Variants in MRFAP1 observed in about 807,000 individuals in gnomAD.
The protein encoded by MRFAP1 is MORF4 family-associated protein 1.
Under a neutral mutation model 9.3 loss-of-function variants are expected in MRFAP1, and 1 was observed. The observed-to-expected ratio is 0.11, with a 90% CI of 0.04 to 0.51. The LOEUF is 0.51. Among genes scored for constraint, MRFAP1 ranks in the 20% least tolerant of loss-of-function variants. The pLI, the probability that MRFAP1 is intolerant of heterozygous loss-of-function variation, is 0.94. For synonymous variants in MRFAP1, 101 were observed against 80.3 expected (o/e 1.26, Z -1.38); for missense variants, 180 against 178.6 (o/e 1.01, Z -0.04).
At chr4:6,641,339 C>T in intron 1 of MRFAP1, 81 bp downstream of exon 1, 2 of 1,488,932 alleles carry the variant, frequency 1.3e-6, no homozygotes, top group Non-Finnish European at 1.8e-6. Flanking sequence ...TCGAGATGCA[C>T]CGGAATCGGG....
intron 1 of MRFAP1, 46 bp downstream of exon 1, chr4:6,641,304 C>T (rs538263672): frequency 1.3e-6 from 2 of 1,521,266 alleles, no homozygotes; most frequent in East Asian, 2.3e-5. Context: ...CCCAGCTTGG[C>T]CGCTCTTCGA....
Position 6,640,919 on chromosome 4 carries a change from G to A in MRFAP1, c.57G>A (p.Glu19=), listed in dbSNP as rs1712791610. Residue 19 remains glutamate, a synonymous_variant, in exon 1 of 2, where the codon GAG becomes GAA. Coordinates refer to ENST00000382581, the MANE Select transcript of MRFAP1 (RefSeq NM_033296.3). Reference sequence around the variant, plus strand: ...AACCGGAGGAAGTGGAGGTGCTGGAGCCCGAGGAGGATTTCGAGCAGTTTC... The same window carrying A: ...AACCGGAGGAAGTGGAGGTGCTGGAACCCGAGGAGGATTTCGAGCAGTTTC... ...LAEPEEVEVL[E]PEEDFEQFLL... 2 of 1,613,736 alleles carry A rather than the reference G, an allele frequency of 1.2e-6. No individual in the cohort carries two copies. The highest frequency in any genetic ancestry group is 2.2e-5 in the East Asian group (1 of 44,868).
At chr4:6,641,484 G>A (rs990026945) in intron 1 of MRFAP1, 1 of 517,852 alleles carries the variant, frequency 1.9e-6, no homozygotes, top group African/African-American at 1.9e-5. Flanking sequence ...TCAGTGGAAG[G>A]GTCATAAATC....
In MRFAP1 at chr4:6,640,969, G is replaced by C; in HGVS notation, c.107G>C (p.Arg36Pro). Residue 36 changes from arginine (R) to proline (P), a missense_variant, in exon 1 of 2, where the codon CGC becomes CCC. Physicochemically the swap from Arg to Pro is moderately radical, Grantham distance 103. Transcript: ENST00000382581. ...CTGCTCCCGGTCATCAACGAGATGC[G>C]CGAGGACATCGCGTCGCTGACGCGC... ...QFLLPVINEM[R>P]EDIASLTREH... 1 of 1,614,210 alleles carries C rather than the reference G, an allele frequency of 6.2e-7. No homozygotes were observed. Among genetic ancestry groups the C allele is most frequent in the Non-Finnish European group, 8.5e-7 (1 of 1,180,028 alleles).
rs1712815722 is a variant in MRFAP1 at position 6,641,309 on chromosome 4, C to T, written c.*12+51C>T. The T allele has an allele frequency of 5.9e-6, 9 of 1,516,754 alleles. No individual in the cohort carries two copies. In the Admixed American group the frequency reaches 1.8e-4, roughly 30 times the overall value. 94.0% of individuals were successfully genotyped at this position (1,516,754 alleles called of 1,614,324 possible). A position where few individuals can be genotyped will look rare whatever the true frequency, so the allele number is the denominator to read the frequency against. ...GAGGAGCGGCCCCAGCTTGGCCGCT[C>T]TTCGAGAGCGATGATTTCATCGAGA... On this transcript the variant is annotated intron_variant, in intron 1 of 1. Coordinates refer to ENST00000382581, the MANE Select transcript of MRFAP1 (RefSeq NM_033296.3).
Position 6,642,697 on chromosome 4 carries a change from C to T in MRFAP1, c.*980C>T, listed in dbSNP as rs767240893. On this transcript the variant is annotated 3_prime_UTR_variant, in exon 2 of 2. Transcript: ENST00000382581. ...CCATGTTAAAACAAACAAAAACTTA[C>T]CATGTTAATAAAAGTATTCATTTGC... 1.3e-5 allele frequency: 2 copies of T among 152,246 alleles called. No individual in the cohort carries two copies. The highest frequency in any genetic ancestry group is 2.1e-4 in the South Asian group (1 of 4,834). The allele number at this position is 152,246 out of a possible 1,614,324, so 9.4% of individuals were successfully genotyped here.
Position 6,640,952 on chromosome 4 carries a change from G to T in MRFAP1, c.90G>T (p.Pro30=), listed in dbSNP as rs1324535024. ...PEEDFEQFLL[P]VINEMREDIA... is the part of the protein sequence containing the mutation. ...AGGATTTCGAGCAGTTTCTGCTCCCGGTCATCAACGAGATGCGCGAGGACA... is the reference window on the plus strand; with the variant it reads ...AGGATTTCGAGCAGTTTCTGCTCCCTGTCATCAACGAGATGCGCGAGGACA... The change falls in exon 1 of 2, where the codon CCG becomes CCT. Residue 30 remains proline, a synonymous_variant. Coordinates refer to ENST00000382581, the MANE Select transcript of MRFAP1 (RefSeq NM_033296.3). The T allele has an allele frequency of 6.2e-7, 1 of 1,614,130 alleles. No individual in the cohort carries two copies. The highest frequency in any genetic ancestry group is 8.5e-7 in the Non-Finnish European group (1 of 1,179,996).
At position 6,641,865 on chromosome 4, in the gene MRFAP1, G is replaced by A. The variant is rs1283140689; in HGVS notation, c.*148G>A. ...ACTTAACACTACGTTTTCTGCTATGGTCTGTGGTTGATGACCTCAATATGA... is the reference window on the plus strand; with the variant it reads ...ACTTAACACTACGTTTTCTGCTATGATCTGTGGTTGATGACCTCAATATGA... On this transcript the variant is annotated 3_prime_UTR_variant, in exon 2 of 2. Transcript: ENST00000382581. 2 of 152,638 alleles carry A rather than the reference G, an allele frequency of 1.3e-5. No homozygotes were observed. Among genetic ancestry groups the A allele is most frequent in the Admixed American group, 6.5e-5 (1 of 15,282 alleles). 9.5% of individuals were successfully genotyped at this position (152,638 alleles called of 1,614,324 possible). A position where few individuals can be genotyped will look rare whatever the true frequency, so the allele number is the denominator to read the frequency against.
rs917983218 is a variant in MRFAP1, at chr4:6,642,062, T to A, written c.*345T>A. ...CTTTGCTATTTCTTGTGTGACCTGA[T>A]AGCTCCCTGGAACTTTGGGTCTGTG... On this transcript the variant is annotated 3_prime_UTR_variant, in exon 2 of 2. Transcript: ENST00000382581. The A allele has an allele frequency of 6.5e-6, 1 of 152,684 alleles. No homozygotes were observed. The highest frequency in any genetic ancestry group is 2.4e-5 in the African/African-American group (1 of 41,464). 9.5% of individuals were successfully genotyped at this position (152,684 alleles called of 1,614,324 possible). A position where few individuals can be genotyped will look rare whatever the true frequency, so the allele number is the denominator to read the frequency against.
At chr4:6,641,438 A>G (rs1470286279) in intron 1 of MRFAP1, 180 bp downstream of exon 1, 9 of 750,862 alleles carry the variant, frequency 1.2e-5, no homozygotes, top group African/African-American at 1.8e-5. Flanking sequence ...GCGGCGTGGG[A>G]TAATCAGAGT....
rs180985591 is a variant in MRFAP1 at position 6,642,069 on chromosome 4, C to T, written c.*352C>T. ...ATTTCTTGTGTGACCTGATAGCTCCCTGGAACTTTGGGTCTGTGTGTGACA... is the reference window on the plus strand; with the variant it reads ...ATTTCTTGTGTGACCTGATAGCTCCTTGGAACTTTGGGTCTGTGTGTGACA... On this transcript the variant is annotated 3_prime_UTR_variant, in exon 2 of 2. Coordinates refer to ENST00000382581, the MANE Select transcript of MRFAP1 (RefSeq NM_033296.3). 6.5e-6 allele frequency: 1 copy of T among 152,748 alleles called. No homozygotes were observed. The highest frequency in any genetic ancestry group is 1.5e-5 in the Non-Finnish European group (1 of 68,046). The allele number at this position is 152,748 out of a possible 1,614,324, so 9.5% of individuals were successfully genotyped here. A position where few individuals can be genotyped will look rare whatever the true frequency, so the allele number is the denominator to read the frequency against.
rs998711680 is a variant in MRFAP1 at position 6,641,965 on chromosome 4, C to G, written c.*248C>G. Reference sequence around the variant, plus strand: ...TGCTCTCACATACAGGAATTAGGGCCTAGATTGTAAGCTCTTGCAGCAGTC... The same window carrying G: ...TGCTCTCACATACAGGAATTAGGGCGTAGATTGTAAGCTCTTGCAGCAGTC... On this transcript the variant is annotated 3_prime_UTR_variant, in exon 2 of 2. Transcript: ENST00000382581. 6.6e-6 allele frequency: 1 copy of G among 152,598 alleles called. No individual in the cohort carries two copies. The highest frequency in any genetic ancestry group is 2.1e-4 in the South Asian group (1 of 4,828). The allele number at this position is 152,598 out of a possible 1,614,324, so 9.5% of individuals were successfully genotyped here. A position where few individuals can be genotyped will look rare whatever the true frequency, so the allele number is the denominator to read the frequency against.
At position 6,641,214 on chromosome 4, in the gene MRFAP1, G is replaced by C; in HGVS notation, c.352G>C (p.Val118Leu). Reference protein sequence around the residue: ...AKMAEMLVELVRRIEKSESS With the variant: ...AKMAEMLVELLRRIEKSESS ...GATGGCAGAGATGCTGGTGGAGCTG[G>C]TCCGGCGGATAGAGAAGAGCGAGTC... Residue 118 changes from valine to leucine, a missense_variant, in exon 1 of 2, where the codon GTC becomes CTC. By Grantham distance (32) the Val-to-Leu change is conservative. Transcript: ENST00000382581. 1 of 1,602,710 alleles carries C rather than the reference G, an allele frequency of 6.2e-7. No individual in the cohort carries two copies. Among genetic ancestry groups the C allele is most frequent in the South Asian group, 1.1e-5 (1 of 90,422 alleles).
At chr4:6,641,552 G>T in intron 1 of MRFAP1, 178 bp from the exon 2 acceptor site, 2 of 343,070 alleles carry the variant, frequency 5.8e-6, no homozygotes, top group Non-Finnish European at 1.1e-5. Flanking sequence ...GCAAGCGGGG[G>T]TGGAAATAGA....
intron 1 of MRFAP1, 75 bp downstream of exon 1, chr4:6,641,333 G>C: frequency 6.7e-7 from 1 of 1,497,908 alleles, no homozygotes; most frequent in Non-Finnish European, 8.9e-7. Context: ...ATTTCATCGA[G>C]ATGCACCGGA....
rs560257481 is a variant in MRFAP1, at chr4:6,642,376, G to T, written c.*659G>T. The T allele has an allele frequency of 6.5e-6, 1 of 152,804 alleles. No individual in the cohort carries two copies. The highest frequency in any genetic ancestry group is 2.1e-4 in the South Asian group (1 of 4,830). 9.5% of individuals were successfully genotyped at this position (152,804 alleles called of 1,614,324 possible). On this transcript the variant is annotated 3_prime_UTR_variant, in exon 2 of 2. Transcript: ENST00000382581. ...TGTGGTACACTATCTTATGTAACCT[G>T]TCTGGTGAGTTTGTTTGGACAACCT...
chr4:6,641,417 T>G, intron 1 of MRFAP1, 159 bp downstream of exon 1: 1 of 941,610 alleles, frequency 1.1e-6, no homozygotes, highest in Non-Finnish European at 1.5e-6. Flanking sequence ...GTGTTTTGTT[T>G]TTTGACGGTG....
chr4:6,640,782 T>C lies in MRFAP1; in HGVS notation c.-81T>C. ...TAAAAGTTTTCAGGAATATTCGGGCTCTCTATTGCTAAGCATAGCGAGTGT... is the reference window on the plus strand; with the variant it reads ...TAAAAGTTTTCAGGAATATTCGGGCCCTCTATTGCTAAGCATAGCGAGTGT... On this transcript the variant is annotated 5_prime_UTR_variant, in exon 1 of 2. Coordinates refer to ENST00000382581, the MANE Select transcript of MRFAP1 (RefSeq NM_033296.3). 6.8e-7 allele frequency: 1 copy of C among 1,476,974 alleles called. No individual in the cohort carries two copies. Among genetic ancestry groups the C allele is most frequent in the Non-Finnish European group, 9.1e-7 (1 of 1,096,680 alleles). 91.5% of individuals were successfully genotyped at this position (1,476,974 alleles called of 1,614,324 possible). A position where few individuals can be genotyped will look rare whatever the true frequency, so the allele number is the denominator to read the frequency against.
chr4:6,642,161 A>AC lies in MRFAP1; in HGVS notation c.*445dup, dbSNP rs2108773491. 1 of 152,782 alleles carries AC rather than the reference A, an allele frequency of 6.5e-6. No individual in the cohort carries two copies. Among genetic ancestry groups the AC allele is most frequent in the East Asian group, 1.9e-4 (1 of 5,184 alleles). 9.5% of individuals were successfully genotyped at this position (152,782 alleles called of 1,614,324 possible). On this transcript the variant is annotated 3_prime_UTR_variant, in exon 2 of 2. Coordinates refer to ENST00000382581, the MANE Select transcript of MRFAP1 (RefSeq NM_033296.3). The stretch of plus-strand genomic sequence containing the variant: ...GAAGGAGCTGCATTAATTCTGGAAG[A>AC]CGACTCCATGCAGCAACTACTGAAG...
Sources: allele counts gnomAD v4.1 joint callset, GRCh38; gene constraint gnomAD v4.1.1; transcripts MANE v1.5; gene names NCBI Gene and HGNC (gene_info 2026-07-23, HGNC 2026-07-21).